Variants in CLSTN2 observed in about 807,000 individuals in gnomAD.
The protein encoded by CLSTN2 is calsyntenin 2.
CLSTN2 carries 48 observed loss-of-function variants against 101.2 expected under a neutral mutation model. That is an observed-to-expected ratio of 0.47 (90% confidence interval 0.38 to 0.60). The LOEUF (loss-of-function observed/expected upper bound fraction) is 0.60, where lower values mean the gene tolerates loss of function less well. Ranked by LOEUF, CLSTN2 falls within the 20% of genes least tolerant of loss-of-function variation. The pLI, the probability that CLSTN2 is intolerant of heterozygous loss-of-function variation, is 0.00. For synonymous variants in CLSTN2, 481 were observed against 463.6 expected, an observed-to-expected ratio of 1.04 and a Z score of -0.48; for missense variants, 1,160 against 1,238.2, an observed-to-expected ratio of 0.94 and a Z score of 0.95.
intron 2 of CLSTN2, among the ~76,000 whole-genome samples, chr3:140,248,882 T>C (rs541573305): frequency 2.6e-5 from 4 of 152,316 alleles, no homozygotes; most frequent in African/African-American, 9.6e-5. Context: ...CTTGGATAAA[T>C]CACTTTCTCT....
intron 2 of CLSTN2, among the ~76,000 whole-genome samples, chr3:140,375,028 A>G (rs945905049): frequency 9.9e-5 from 15 of 152,222 alleles, no homozygotes; most frequent in African/African-American, 3.6e-4. Context: ...CCAATGTGGT[A>G]GCTCTGAGTC....
At chr3:140,317,516 C>G (rs906732248) in intron 2 of CLSTN2, among the ~76,000 whole-genome samples, 35 of 152,186 alleles carry the variant, frequency 2.3e-4, no homozygotes, top group African/African-American at 8.4e-4. Flanking sequence ...GCCACAGGAC[C>G]CCAATTCCAG....
chr3:140,350,260 A>G lies in CLSTN2; in HGVS notation c.233-53369A>G, dbSNP rs549431090. Reference sequence around the variant, plus strand: ...CAAGAACACTACCTGCCAGAAATCCACGCTAATCTCAGAAAATAATAATAG... The same window carrying G: ...CAAGAACACTACCTGCCAGAAATCCGCGCTAATCTCAGAAAATAATAATAG... On this transcript the variant is annotated intron_variant, in intron 2 of 16. Coordinates refer to ENST00000458420, the MANE Select transcript of CLSTN2 (RefSeq NM_022131.3). Among the ~76,000 whole-genome samples the G allele has an allele frequency of 1.1e-4, 17 of 152,350 alleles. No homozygotes were observed. The South Asian group carries it at 3.1e-3, about 28-fold the overall frequency.
chr3:140,467,515 G>A (rs1241625686), intron 8 of CLSTN2, among the ~76,000 whole-genome samples: 1 of 152,148 alleles, frequency 6.6e-6, no homozygotes, highest in Non-Finnish European at 1.5e-5. Context: ...TGGGATTAAG[G>A]AATAGATGCT....
chr3:140,549,290 C>G (rs1374050603), intron 10 of CLSTN2, among the ~76,000 whole-genome samples: 1 of 149,618 alleles, frequency 6.7e-6, no homozygotes, highest in Admixed American at 6.7e-5. Context: ...ATTAAAGAAC[C>G]ATAGCAATTT....
At chr3:140,258,475 T>C (rs1252077855) in intron 2 of CLSTN2, among the ~76,000 whole-genome samples, 1 of 152,244 alleles carries the variant, frequency 6.6e-6, no homozygotes, top group Admixed American at 6.5e-5. Context: ...TTTCATCTTC[T>C]GGCTCTCCTT....
chr3:140,393,997 A>G (rs1424433929), intron 2 of CLSTN2, among the ~76,000 whole-genome samples: 1 of 152,168 alleles, frequency 6.6e-6, no homozygotes, highest in Non-Finnish European at 1.5e-5. Context: ...CAACCAGTGC[A>G]TCAGCAGGAG....
At chr3:140,218,022 G>A (rs2010941285) in intron 2 of CLSTN2, among the ~76,000 whole-genome samples, 1 of 152,188 alleles carries the variant, frequency 6.6e-6, no homozygotes, top group South Asian at 2.1e-4. Flanking sequence ...GCAGCAGGAT[G>A]ACCAGGCATA....
chr3:140,477,453 T>C (rs1003815363), intron 8 of CLSTN2, among the ~76,000 whole-genome samples: 4 of 152,074 alleles, frequency 2.6e-5, no homozygotes, highest in Non-Finnish European at 5.9e-5. Context: ...GGTGCAAGAA[T>C]AGGAAACGTT....
chr3:140,249,464 C>T (rs149013206), intron 2 of CLSTN2, among the ~76,000 whole-genome samples: 5 of 152,232 alleles, frequency 3.3e-5, no homozygotes, highest in African/African-American at 1.2e-4. Context: ...AAGGTTGGGG[C>T]AGGTCATGGT....
intron 2 of CLSTN2, among the ~76,000 whole-genome samples, chr3:140,391,605 A>G (rs1309949260): frequency 6.6e-6 from 1 of 152,112 alleles, no homozygotes; most frequent in East Asian, 1.9e-4. Context: ...TATGCGATAT[A>G]TAATTTATAG....
intron 8 of CLSTN2, chr3:140,507,890 A>G (rs1681294750): frequency 6.6e-6 from 1 of 152,166 alleles, no homozygotes; most frequent in South Asian, 2.1e-4. Flanking sequence ...TTTTCTACCC[A>G]TCTTATAGAT....
At chr3:140,254,283 G>C (rs990920864) in intron 2 of CLSTN2, among the ~76,000 whole-genome samples, 2 of 152,146 alleles carry the variant, frequency 1.3e-5, no homozygotes, top group Admixed American at 6.6e-5. Context: ...TTCTGCACCA[G>C]AGAAAGTACT....
At chr3:140,513,669 T>C (rs1439194646) in intron 8 of CLSTN2, among the ~76,000 whole-genome samples, 1 of 142,784 alleles carries the variant, frequency 7.0e-6, no homozygotes, top group African/African-American at 2.6e-5. Flanking sequence ...TAGGTAGGAA[T>C]CCCTTCTTTT....
At chr3:139,977,161 T>C (rs1216361657) in intron 1 of CLSTN2, among the ~76,000 whole-genome samples, 1 of 152,198 alleles carries the variant, frequency 6.6e-6, no homozygotes, top group Non-Finnish European at 1.5e-5. Flanking sequence ...TTTCCTCAAG[T>C]GTTCCTGGGT....
intron 8 of CLSTN2, among the ~76,000 whole-genome samples, chr3:140,513,395 T>C (rs1934852818): frequency 6.6e-6 from 1 of 152,156 alleles, no homozygotes; most frequent in South Asian, 2.1e-4. Flanking sequence ...GTTCTGTTTA[T>C]GTGATGAATC....
intron 2 of CLSTN2, among the ~76,000 whole-genome samples, chr3:140,218,833 G>A (rs1014571886): frequency 6.6e-6 from 1 of 152,102 alleles, no homozygotes; most frequent in African/African-American, 2.4e-5. Flanking sequence ...AGAGTATGTG[G>A]AATCCCCCAG....
At chr3:140,450,616 A>C (rs1933222124) in intron 6 of CLSTN2, among the ~76,000 whole-genome samples, 1 of 152,154 alleles carries the variant, frequency 6.6e-6, no homozygotes, top group Non-Finnish European at 1.5e-5. Flanking sequence ...AAAGAAAAGG[A>C]GGCTGTGAAT....
intron 1 of CLSTN2, among the ~76,000 whole-genome samples, chr3:140,070,872 G>T (rs985292894): frequency 6.6e-6 from 1 of 152,126 alleles, no homozygotes; most frequent in Non-Finnish European, 1.5e-5. Context: ...CAAAGGCAGA[G>T]TTGAGTAGTT....
Sources: gnomAD v4.1 joint callset for allele counts (sites outside exome capture counted in the v4.1 genomes callset) on GRCh38, gnomAD v4.1.1 for gene constraint, MANE v1.5 for transcripts, NCBI Gene and HGNC (gene_info 2026-07-23, HGNC 2026-07-21) for gene names.